The following LRRC4C variants were observed in gnomAD, a reference collection of about 807,000 sequenced individuals.
LRRC4C encodes leucine rich repeat containing 4C.
LRRC4C carries 5 observed loss-of-function variants against 33.6 expected under a neutral mutation model. The observed-to-expected ratio is 0.15, with a 90% CI of 0.08 to 0.31. LRRC4C has a LOEUF of 0.31. Ranked by LOEUF, LRRC4C falls within the 10% of genes least tolerant of loss-of-function variation. The pLI is 1.00. For synonymous variants in LRRC4C, 329 were observed against 302.0 expected (o/e 1.09, Z -0.93); for missense variants, 560 against 796.7 (o/e 0.70, Z 3.58).
At chr11:40,959,960 AGAT>A (rs1850863640) in intron 1 of LRRC4C, among the ~76,000 whole-genome samples, 2 of 151,884 alleles carry the variant, frequency 1.3e-5, no homozygotes, top group South Asian at 2.1e-4. Flanking sequence ...GTACAATGTT[AGAT>A]GATAGTAATT....
At chr11:40,993,375 T>C (rs139785899) in intron 1 of LRRC4C, among the ~76,000 whole-genome samples, 398 of 152,308 alleles carry the variant, frequency 2.6e-3, no homozygotes, top group African/African-American at 9.3e-3. Flanking sequence ...GGCCCACACA[T>C]AATATAGAAT....
intron 1 of LRRC4C, among the ~76,000 whole-genome samples, chr11:41,317,393 C>G (rs1226778490): frequency 6.6e-6 from 1 of 152,002 alleles, no homozygotes; most frequent in African/African-American, 2.4e-5. Context: ...CTTTTCTATT[C>G]CCATAATATT....
At chr11:41,011,109 T>C (rs953668672) in intron 1 of LRRC4C, among the ~76,000 whole-genome samples, 4 of 152,150 alleles carry the variant, frequency 2.6e-5, no homozygotes, top group African/African-American at 9.7e-5. Context: ...TCCTATTCCA[T>C]AGATATCCAA....
chr11:41,352,098 C>T (rs959969817), intron 1 of LRRC4C, among the ~76,000 whole-genome samples: 8 of 152,112 alleles, frequency 5.3e-5, no homozygotes, highest in African/African-American at 7.2e-5. Context: ...CAAGATGTAA[C>T]GACATGCTAT....
At chr11:40,790,940 T>C (rs1416672662) in intron 2 of LRRC4C, among the ~76,000 whole-genome samples, 1 of 152,220 alleles carries the variant, frequency 6.6e-6, no homozygotes, top group African/African-American at 2.4e-5. Context: ...CTTCCATTGA[T>C]ACTCCTTAGA....
intron 1 of LRRC4C, among the ~76,000 whole-genome samples, chr11:41,245,197 C>T (rs1948402756): frequency 6.6e-6 from 1 of 152,164 alleles, no homozygotes; most frequent in Non-Finnish European, 1.5e-5. Flanking sequence ...TGGGGTGTCA[C>T]TTTCTGGCCA....
At chr11:40,771,175 G>A (rs1445108616) in intron 2 of LRRC4C, among the ~76,000 whole-genome samples, 1 of 152,178 alleles carries the variant, frequency 6.6e-6, no homozygotes, top group Non-Finnish European at 1.5e-5. Context: ...TACATCTTCT[G>A]AAATCTAGAC....
chr11:41,450,135 T>C (rs1955971316), intron 1 of LRRC4C, among the ~76,000 whole-genome samples: 1 of 152,196 alleles, frequency 6.6e-6, no homozygotes, highest in Non-Finnish European at 1.5e-5. Flanking sequence ...CATTCTGAGC[T>C]GGCAGTTCTT....
chr11:40,178,631 C>T (rs1488087937), intron 5 of LRRC4C, among the ~76,000 whole-genome samples: 1 of 152,212 alleles, frequency 6.6e-6, no homozygotes, highest in African/African-American at 2.4e-5. Flanking sequence ...AAGACAAGGG[C>T]TTGTACTACA....
intron 2 of LRRC4C, among the ~76,000 whole-genome samples, chr11:40,650,957 G>C (rs1031133570): frequency 3.3e-5 from 5 of 152,034 alleles, no homozygotes; most frequent in African/African-American, 1.2e-4. Flanking sequence ...AACTGCACAA[G>C]TGCCCCCTTG....
intron 2 of LRRC4C, among the ~76,000 whole-genome samples, chr11:40,789,766 C>T (rs981194644): frequency 6.6e-6 from 1 of 151,982 alleles, no homozygotes. Flanking sequence ...AAATATCTTC[C>T]AAGGTAATGA....
At chr11:40,234,183 T>C (rs914431627) in intron 5 of LRRC4C, among the ~76,000 whole-genome samples, 3 of 151,858 alleles carry the variant, frequency 2.0e-5, no homozygotes, top group Non-Finnish European at 4.4e-5. Flanking sequence ...TTAACCAAAG[T>C]TTTTTTTGTC....
intron 1 of LRRC4C, among the ~76,000 whole-genome samples, chr11:41,147,895 C>A (rs1222105632): frequency 6.6e-6 from 1 of 151,848 alleles, no homozygotes; most frequent in Non-Finnish European, 1.5e-5. Context: ...CCAAGACCAG[C>A]CTTGGCAATA....
At chr11:40,766,353 T>TAAAAAAAAAAAAAAAAAAAAA (rs60152534) in intron 2 of LRRC4C, among the ~76,000 whole-genome samples, 1 of 33,914 alleles carries the variant, frequency 2.9e-5, no homozygotes, top group African/African-American at 1.1e-4. Context: ...TTCAGTCTGT[T>TAAAAAAAAAAAAAAAAAAAAA]AAAAAAAAAA....
chr11:40,328,353 C>T (rs1040613361), intron 3 of LRRC4C, among the ~76,000 whole-genome samples: 4 of 152,126 alleles, frequency 2.6e-5, no homozygotes, highest in Non-Finnish European at 4.4e-5. Context: ...ATTACTATCA[C>T]CTGAAGTAAA....
intron 3 of LRRC4C, among the ~76,000 whole-genome samples, chr11:40,436,022 CTTAA>C (rs1188953904): frequency 6.6e-6 from 1 of 152,156 alleles, no homozygotes; most frequent in African/African-American, 2.4e-5. Context: ...TTTTCCTCTA[CTTAA>C]TTAAGTCCTA....
rs1165240697 is a variant in LRRC4C, at chr11:40,164,975, G to T, written c.-95-24122C>A. ...CATGTTACCAAATTGAAGTATAATT[G>T]CTTTTATCCAGGAATCTTAAAAATG... On this transcript the variant is annotated intron_variant, in intron 5 of 6. Coordinates refer to ENST00000528697, the MANE Select transcript of LRRC4C (RefSeq NM_001258419.2). Among the ~76,000 whole-genome samples, 2 of 152,108 alleles carry T rather than the reference G, an allele frequency of 1.3e-5. 1 individual carries two copies. Among genetic ancestry groups the T allele is most frequent in the South Asian group, 4.1e-4 (2 of 4,834 alleles).
rs12291689 is a variant in LRRC4C, at chr11:40,507,999, C to A, written c.-270+140143G>T. 6.7e-3 allele frequency among the ~76,000 whole-genome samples: 1,019 copies of A among 152,152 alleles called. 17 individuals are homozygous for A. Among genetic ancestry groups the A allele is most frequent in the African/African-American group, 0.024 (977 of 41,494 alleles). ...CTCGAACTCCTGGCCTGAAGTGATC[C>A]GCCCACTTCAGCCTCCCAAAGTTCT... On this transcript the variant is annotated intron_variant, in intron 3 of 6. Transcript: ENST00000528697.
At chr11:41,274,115 G>A (rs1344262847) in intron 1 of LRRC4C, among the ~76,000 whole-genome samples, 4 of 152,070 alleles carry the variant, frequency 2.6e-5, no homozygotes, top group African/African-American at 7.2e-5. Context: ...CAGGGAGGCT[G>A]GGGTGGCTGG....
Sources: allele counts gnomAD v4.1 joint callset (sites outside exome capture counted in the v4.1 genomes callset), GRCh38; gene constraint gnomAD v4.1.1; transcripts MANE v1.5; gene names NCBI Gene and HGNC (gene_info 2026-07-23, HGNC 2026-07-21).